The following AGPAT5 variants were observed in gnomAD, a reference collection of about 807,000 sequenced individuals.
AGPAT5 encodes 1-acylglycerol-3-phosphate O-acyltransferase 5, also known as 1-acyl-sn-glycerol-3-phosphate acyltransferase epsilon.
A neutral mutation model predicts 45.6 loss-of-function variants in AGPAT5; 46 were observed. The ratio of observed to expected loss-of-function variants is 1.01; its 90% confidence interval spans 0.80 to 1.29. AGPAT5 has a LOEUF of 1.29. Among genes scored for constraint, AGPAT5 ranks in the 50% most tolerant of loss-of-function variants. AGPAT5 has a pLI of 0.00. For synonymous variants in AGPAT5, 272 were observed against 167.0 expected (o/e 1.63, Z -4.85); for missense variants, 673 against 450.7 (o/e 1.49, Z -4.47).
intron 1 of AGPAT5, among the ~76,000 whole-genome samples, chr8:6,712,153 T>G (rs1051850481): frequency 5.3e-5 from 8 of 152,336 alleles, no homozygotes; most frequent in South Asian, 2.1e-4. Context: ...GGTCTCTGCT[T>G]TCTTTAACAG....
chr8:6,722,232 T>C (rs1800526146), intron 1 of AGPAT5, among the ~76,000 whole-genome samples: 1 of 152,204 alleles, frequency 6.6e-6, no homozygotes, highest in Admixed American at 6.5e-5. Flanking sequence ...GGGAAATTTA[T>C]GTCCTGCCTT....
At chr8:6,726,055 G>A (rs777488792) in intron 2 of AGPAT5, among the ~76,000 whole-genome samples, 2 of 152,222 alleles carry the variant, frequency 1.3e-5, no homozygotes, top group Admixed American at 6.5e-5. Context: ...GAATCTTGAT[G>A]TATCTGAGTA....
At chr8:6,740,540 A>G (rs957419336) in intron 4 of AGPAT5, among the ~76,000 whole-genome samples, 13 of 149,668 alleles carry the variant, frequency 8.7e-5, no homozygotes, top group African/African-American at 2.9e-4. Flanking sequence ...AAAGATACAT[A>G]TAATATTATC....
At chr8:6,720,781 A>G (rs2116869446) in intron 1 of AGPAT5, among the ~76,000 whole-genome samples, 1 of 152,296 alleles carries the variant, frequency 6.6e-6, no homozygotes, top group Non-Finnish European at 1.5e-5. Context: ...TAGCAAGGAA[A>G]AACCCCTTGT....
At chr8:6,741,583 A>G (rs960314267) in intron 4 of AGPAT5, 78 bp from the exon 5 acceptor site, 15 of 931,402 alleles carry the variant, frequency 1.6e-5, no homozygotes, top group African/African-American at 3.3e-5. Context: ...TAGCATTAGT[A>G]GGTTTAGCTT....
intron 1 of AGPAT5, among the ~76,000 whole-genome samples, chr8:6,715,636 G>C (rs1800303230): frequency 6.6e-6 from 1 of 152,316 alleles, no homozygotes; most frequent in Admixed American, 6.5e-5. Flanking sequence ...TTCTGAAGAT[G>C]CTCTGCCTGG....
At position 6,741,693 on chromosome 8, in the gene AGPAT5, G is replaced by A; in HGVS notation, c.528G>A (p.Arg176=). The part of the protein sequence containing the change: ...MYLVIFPEGT[R]YNPEQTKVLS... ...TTGTGATTTTTCCAGAAGGTACAAG[G>A]TATAATCCAGAGCAAACAAAAGTCC... Residue 176 remains arginine, a synonymous_variant, in exon 5 of 8, where the codon AGG becomes AGA. Transcript: ENST00000285518. 6.2e-7 allele frequency: 1 copy of A among 1,612,462 alleles called. No homozygotes were observed. The highest frequency in any genetic ancestry group is 8.5e-7 in the Non-Finnish European group (1 of 1,179,228).
chr8:6,751,361 C>T (rs1801649411), intron 6 of AGPAT5, among the ~76,000 whole-genome samples: 2 of 152,144 alleles, frequency 1.3e-5, no homozygotes, highest in South Asian at 4.1e-4. Flanking sequence ...TCAAAGCATT[C>T]TGGGGGATCA....
chr8:6,725,684 C>T (rs201975714), intron 2 of AGPAT5, among the ~76,000 whole-genome samples: 1 of 152,256 alleles, frequency 6.6e-6, no homozygotes, highest in South Asian at 2.1e-4. Context: ...AATCCCACTT[C>T]TTATGTTTTC....
intron 6 of AGPAT5, among the ~76,000 whole-genome samples, chr8:6,749,280 G>T (rs1801574757): frequency 6.6e-6 from 1 of 152,170 alleles, no homozygotes; most frequent in African/African-American, 2.4e-5. Context: ...CTGGAGGAGT[G>T]AGGCCCAGGG....
chr8:6,723,332 C>T (rs987815731), intron 1 of AGPAT5, among the ~76,000 whole-genome samples: 15 of 152,076 alleles, frequency 9.9e-5, no homozygotes, highest in African/African-American at 2.7e-4. Context: ...TGGGCAGGTG[C>T]GCACCACCAT....
chr8:6,714,200 T>G (rs755282315), intron 1 of AGPAT5, among the ~76,000 whole-genome samples: 2 of 152,268 alleles, frequency 1.3e-5, no homozygotes, highest in Non-Finnish European at 2.9e-5. Context: ...TCTTCTCTGC[T>G]TATTTGCCAT....
In AGPAT5 at chr8:6,724,848, GTT is replaced by G; in HGVS notation, c.220-16_220-15del. The stretch of plus-strand genomic sequence containing the variant: ...AGATGTTTTAAAATATCAAAGTAAT[GTT>G]TTTTTGTTTTATCTTTTAGATATTG... On this transcript the variant is annotated intron_variant, in intron 1 of 7. Transcript: ENST00000285518. 1.2e-6 allele frequency: 1 copy of G among 807,700 alleles called. No individual in the cohort carries two copies. The highest frequency in any genetic ancestry group is 1.8e-6 in the Non-Finnish European group (1 of 567,270). The allele number at this position is 807,700 out of a possible 1,614,324, so 50.0% of individuals were successfully genotyped here. A position where few individuals can be genotyped will look rare whatever the true frequency, so the allele number is the denominator to read the frequency against.
Position 6,747,772 on chromosome 8 carries a change from T to C in AGPAT5, c.689T>C (p.Val230Ala), listed in dbSNP as rs948108871. ...NYLDAIYDVTVVYEGKDDGGQ... is the reference protein window; with the variant it reads ...NYLDAIYDVTAVYEGKDDGGQ... ...TTAGATGCAATTTATGATGTTACGG[T>C]GGTTTATGAAGGGAAAGACGATGGA... Residue 230 changes from valine to alanine, a missense_variant, in exon 6 of 8, where the codon GTG (valine) becomes GCG (alanine). Val to Ala is a moderately conservative substitution (Grantham distance 64). Transcript: ENST00000285518. 6.2e-7 allele frequency: 1 copy of C among 1,614,132 alleles called. No individual in the cohort carries two copies. Among genetic ancestry groups the C allele is most frequent in the Non-Finnish European group, 8.5e-7 (1 of 1,180,002 alleles).
chr8:6,720,682 G>T lies in AGPAT5; in HGVS notation c.220-4188G>T, dbSNP rs74953664. Among the ~76,000 whole-genome samples, 4 of 152,308 alleles carry T rather than the reference G, an allele frequency of 2.6e-5. No individual in the cohort carries two copies. In the South Asian group the frequency reaches 8.3e-4, roughly 32 times the overall value. On this transcript the variant is annotated intron_variant, in intron 1 of 7. Transcript: ENST00000285518. ...AAATTAGAGAGTCATCAATCACGCA[G>T]ATCCAGTACAGAGGGTGGCCTGACC...
chr8:6,742,913 G>C (rs564584809), intron 5 of AGPAT5, among the ~76,000 whole-genome samples: 1 of 152,056 alleles, frequency 6.6e-6, no homozygotes, highest in Admixed American at 6.6e-5. Flanking sequence ...TAGACATGAC[G>C]TTCTGTCATT....
At chr8:6,712,348 G>C (rs1800182081) in intron 1 of AGPAT5, among the ~76,000 whole-genome samples, 1 of 150,494 alleles carries the variant, frequency 6.6e-6, no homozygotes, top group South Asian at 2.1e-4. Context: ...ATTCTTATCT[G>C]ATTCTGAAAT....
intron 4 of AGPAT5, among the ~76,000 whole-genome samples, chr8:6,733,232 C>G (rs17078011): frequency 0.029 from 4,373 of 152,290 alleles, 137 homozygotes; most frequent in African/African-American, 0.075. Context: ...GCACCATGAT[C>G]ACCGGGGCGA....
chr8:6,724,899 TAAAG>T lies in AGPAT5; in HGVS notation c.253_256del (p.Glu85IlefsTer2), dbSNP rs1800633230. ...TGCTATATGGAGATTTGCCAAAAAATAAAGAAAATATAATATATTTAGCAAATCA... is the reference window on the plus strand; with the variant it reads ...TGCTATATGGAGATTTGCCAAAAAATAAAATATAATATATTTAGCAAATCA... On this transcript the variant is annotated frameshift_variant, in exon 2 of 8. Coordinates refer to ENST00000285518, the MANE Select transcript of AGPAT5 (RefSeq NM_018361.5). LOFTEE classifies it high-confidence loss of function. The T allele has an allele frequency of 1.7e-6, 2 of 1,154,984 alleles. No homozygotes were observed. Among genetic ancestry groups the T allele is most frequent in the Non-Finnish European group, 2.3e-6 (2 of 873,946 alleles). The allele number at this position is 1,154,984 out of a possible 1,614,324, so 71.5% of individuals were successfully genotyped here. A position where few individuals can be genotyped will look rare whatever the true frequency, so the allele number is the denominator to read the frequency against.
Sources: allele counts gnomAD v4.1 joint callset (sites outside exome capture counted in the v4.1 genomes callset), GRCh38; gene constraint gnomAD v4.1.1; transcripts MANE v1.5; gene names NCBI Gene and HGNC (gene_info 2026-07-23, HGNC 2026-07-21).